The following FCMR variants were observed in gnomAD, a reference collection of about 807,000 sequenced individuals.
FCMR encodes the protein Fc mu receptor.
FCMR carries 34 observed loss-of-function variants against 41.6 expected under a neutral mutation model. The observed-to-expected ratio is 0.82, with a 90% confidence interval of 0.62 to 1.09. The LOEUF (loss-of-function observed/expected upper bound fraction) is 1.09. FCMR is among the 50% of genes least tolerant of loss of function. The probability of loss-of-function intolerance (pLI) is 0.00; values close to 1 mark genes in which losing one functional copy is unlikely to be tolerated. For synonymous variants in FCMR, 209 were observed against 211.8 expected, an observed-to-expected ratio of 0.99 and a Z score of 0.12; for missense variants, 496 against 512.5, an observed-to-expected ratio of 0.97 and a Z score of 0.31.
rs985030613 is a variant in FCMR at position 206,909,462 on chromosome 1, C to T, written c.1044G>A (p.Gln348=). The T allele has an allele frequency of 3.9e-6, 5 of 1,281,778 alleles. No homozygotes were observed. The highest frequency in any genetic ancestry group is 4.2e-5 in the Admixed American group (1 of 23,900). The allele number at this position is 1,281,778 out of a possible 1,614,324, so 79.4% of individuals were successfully genotyped here. ...CAATCAGGGCAGGAGCGGAGCTTACCTGCAGCGGGGCGGGGGGCAACGGCG... is the reference window on the plus strand; with the variant it reads ...CAATCAGGGCAGGAGCGGAGCTTACTTGCAGCGGGGCGGGGGGCAACGGCG... ...PGAPLPPAPL[Q]VSESPWLHAP... is the part of the protein sequence containing the mutation. Residue 348 remains glutamine, a splice_region_variant and synonymous_variant, in exon 7 of 8, where the codon CAG becomes CAA. Coordinates refer to ENST00000367091, the MANE Select transcript of FCMR (RefSeq NM_005449.5). The surrounding 1 kb of genome is among the most constrained non-coding windows in gnomAD (Gnocchi z 5.0).
rs375707563 is a variant in FCMR, at chr1:206,911,735, C to A, written c.705G>T (p.Arg235Ser). Reference sequence around the variant, plus strand: ...CCTGGACAGTGGTCTCTTACCTCTGCCTGTGCAGCCTGGTGTGGTGGTTGT... The same window carrying A: ...CCTGGACAGTGGTCTCTTACCTCTGACTGTGCAGCCTGGTGTGGTGGTTGT... ...PSYNHHTRLH[R>S]QRALDYGSQS... The change falls in exon 4 of 8, where the codon AGG (arginine) becomes AGT (serine). Residue 235 changes from arginine to serine, a missense_variant. Transcript: ENST00000367091. The A allele has an allele frequency of 1.7e-5, 27 of 1,610,820 alleles. No homozygotes were observed. In the African/African-American group the frequency reaches 2.8e-4, roughly 17 times the overall value.
At chr1:206,910,023 G>T in intron 5 of FCMR, 155 bp from the exon 6 acceptor site, 2 of 1,145,396 alleles carry the variant, frequency 1.7e-6, no homozygotes, top group Non-Finnish European at 1.2e-6. Context: ...GCCTTGCCCT[G>T]CCCTGAAGAC....
rs1278764915 is a variant in FCMR, at chr1:206,909,848, G to A, written c.862C>T (p.Arg288Ter). The A allele has an allele frequency of 7.2e-7, 1 of 1,384,648 alleles. No individual in the cohort carries two copies. The allele number at this position is 1,384,648 out of a possible 1,614,324, so 85.8% of individuals were successfully genotyped here. Reference sequence around the variant, plus strand: ...AGGGCGCGCATCCTCACGGCCAGTCGGCGGGCCCGCCTGGAGAGGGCTTCC... The same window carrying A: ...AGGGCGCGCATCCTCACGGCCAGTCAGCGGGCCCGCCTGGAGAGGGCTTCC... ...RRKALSRRAR[R>*]LAVRMRALES... The change falls in exon 6 of 8, where the codon CGA (arginine) becomes TGA (stop). Residue 288 changes from arginine to a stop codon, truncating the protein, a stop_gained. Coordinates refer to ENST00000367091, the MANE Select transcript of FCMR (RefSeq NM_005449.5). LOFTEE classifies it high-confidence loss of function. The surrounding 1 kb of genome is among the most constrained non-coding windows in gnomAD (Gnocchi z 5.0).
At chr1:206,922,271 A>G (rs1447622607), upstream of FCMR, among the ~76,000 whole-genome samples, 8 of 152,176 alleles carry the variant, frequency 5.3e-5, no homozygotes, top group African/African-American at 1.9e-4. Flanking sequence ...CCTTCAGGAT[A>G]AAAGAGCCTT....
In FCMR at chr1:206,909,855, C is replaced by A. The variant is rs1006346624; in HGVS notation, c.855G>T (p.Arg285=). The A allele has an allele frequency of 7.2e-7, 1 of 1,382,216 alleles. No individual in the cohort carries two copies. The highest frequency in any genetic ancestry group is 9.3e-7 in the Non-Finnish European group (1 of 1,069,588). 85.6% of individuals were successfully genotyped at this position (1,382,216 alleles called of 1,614,324 possible). A position where few individuals can be genotyped will look rare whatever the true frequency, so the allele number is the denominator to read the frequency against. Residue 285 remains arginine (R), a synonymous_variant, in exon 6 of 8, where the codon CGG becomes CGT. Transcript: ENST00000367091. This position sits in a 1 kb window ranked among gnomAD's most constrained non-coding sequence, Gnocchi z 5.0. ...AVERRKALSR[R]ARRLAVRMRA... The stretch of plus-strand genomic sequence containing the variant: ...GCATCCTCACGGCCAGTCGGCGGGC[C>A]CGCCTGGAGAGGGCTTCCCCACAAA...
rs1233750449 is a variant in FCMR, at chr1:206,913,006, T to A, written c.410A>T (p.Glu137Val). 6.2e-7 allele frequency: 1 copy of A among 1,613,858 alleles called. No homozygotes were observed. Among genetic ancestry groups the A allele is most frequent in the Non-Finnish European group, 8.5e-7 (1 of 1,179,712 alleles). The change falls in exon 3 of 8, where the codon GAG becomes GTG. Residue 137 changes from glutamate (E) to valine (V), a missense_variant. Physicochemically the swap from Glu to Val is moderately radical, Grantham distance 121. Transcript: ENST00000367091. ...GGGCAGATGAAACCATTTTGGAGTC[T>A]CAGGCATTGGCTGCTCTTCCCATGA... ...EPSWEEQPMP[E>V]TPKWFHLPYL...
Position 206,909,842 on chromosome 1 carries a change from C to T in FCMR, c.868G>A (p.Ala290Thr), listed in dbSNP as rs1187597174. ...KALSRRARRL[A>T]VRMRALESSQ... ...CTCTCCAGGGCGCGCATCCTCACGG[C>T]CAGTCGGCGGGCCCGCCTGGAGAGG... Residue 290 changes from alanine to threonine, a missense_variant, in exon 6 of 8, where the codon GCC (alanine) becomes ACC (threonine). Physicochemically the swap from Ala to Thr is moderately conservative, Grantham distance 58 (BLOSUM62 0). Transcript: ENST00000367091. The surrounding 1 kb of genome is among the most constrained non-coding windows in gnomAD (Gnocchi z 5.0). The T allele has an allele frequency of 7.2e-7, 1 of 1,387,654 alleles. No homozygotes were observed. Among genetic ancestry groups the T allele is most frequent in the Non-Finnish European group, 9.3e-7 (1 of 1,073,470 alleles). 86.0% of individuals were successfully genotyped at this position (1,387,654 alleles called of 1,614,324 possible).
chr1:206,911,269 T>A (rs569010449), intron 4 of FCMR, among the ~76,000 whole-genome samples: 10 of 152,030 alleles, frequency 6.6e-5, no homozygotes, highest in Admixed American at 5.9e-4. Flanking sequence ...CTATAATGCT[T>A]CCCCCTAGTG....
At chr1:206,905,930 C>A in intron 7 of FCMR, 1 of 168,880 alleles carries the variant, frequency 5.9e-6, no homozygotes, top group Non-Finnish European at 1.3e-5. Flanking sequence ...TGTTTTCCAT[C>A]AGTCAAGGAA....
At chr1:206,914,437 C>CT (rs572538296) in intron 1 of FCMR, among the ~76,000 whole-genome samples, 2,637 of 105,278 alleles carry the variant, frequency 0.025, 122 homozygotes, top group African/African-American at 0.09. Flanking sequence ...CCTTTCTTTT[C>CT]TTTTTTTTTT....
intron 1 of FCMR, chr1:206,921,246 C>A: frequency 5.2e-6 from 1 of 191,064 alleles, no homozygotes; most frequent in Non-Finnish European, 1.2e-5. Context: ...GAGACACTTG[C>A]TTTAAGATCC....
Position 206,907,574 on chromosome 1 carries a change from T to A in FCMR, c.1044+1888A>T, listed in dbSNP as rs978678924. The A allele has an allele frequency of 4.9e-6, 3 of 611,086 alleles. No individual in the cohort carries two copies. The African/African-American group carries it at 5.4e-5, about 11-fold the overall frequency. The allele number at this position is 611,086 out of a possible 1,614,324, so 37.9% of individuals were successfully genotyped here. ...GTCTGCTGCATTAGCTTAGTCTACA[T>A]GCGAATTAAACAAGGGATTTTCTTT... On this transcript the variant is annotated intron_variant, in intron 7 of 7. Transcript: ENST00000367091.
chr1:206,906,169 C>T, intron 7 of FCMR: 1 of 516,986 alleles, frequency 1.9e-6, no homozygotes, highest in Non-Finnish European at 3.9e-6. Flanking sequence ...CAGAACAGCT[C>T]AAGATGTCAA....
chr1:206,906,860 C>A (rs762580865), intron 7 of FCMR, among the ~76,000 whole-genome samples: 1 of 151,826 alleles, frequency 6.6e-6, no homozygotes, highest in Admixed American at 6.6e-5. Context: ...GGTTGCTGCA[C>A]CATCCTCTGG....
chr1:206,917,723 C>A (rs949724032), intron 1 of FCMR: 5 of 434,498 alleles, frequency 1.2e-5, no homozygotes, highest in Non-Finnish European at 2.3e-5. Flanking sequence ...ACTTCCTGGG[C>A]TCAATTGAGG....
Position 206,913,045 on chromosome 1 carries a change from A to G in FCMR, c.374-3T>C, listed in dbSNP as rs1679013214. The G allele has an allele frequency of 3.7e-6, 6 of 1,606,408 alleles. No homozygotes were observed. Among genetic ancestry groups the G allele is most frequent in the Non-Finnish European group, 5.1e-6 (6 of 1,173,288 alleles). The stretch of plus-strand genomic sequence containing the variant: ...CTCTTCCCATGATGGCTCGTATTCT[A>G]TTGGAAGGAAGAGGAATATGTTGGT... On this transcript the variant is annotated splice_region_variant and splice_polypyrimidine_tract_variant and intron_variant, in intron 2 of 7. Transcript: ENST00000367091.
chr1:206,909,587 C>T lies in FCMR; in HGVS notation c.986-67G>A. 7.8e-7 allele frequency: 1 copy of T among 1,275,052 alleles called. No homozygotes were observed. The highest frequency in any genetic ancestry group is 1.0e-6 in the Non-Finnish European group (1 of 992,686). 79.0% of individuals were successfully genotyped at this position (1,275,052 alleles called of 1,614,324 possible). ...CCCGCCCCACCGTCATGCTACTACTCCCAGCTCCACCCCCGCCCCACTCCC... is the reference window on the plus strand; with the variant it reads ...CCCGCCCCACCGTCATGCTACTACTTCCAGCTCCACCCCCGCCCCACTCCC... On this transcript the variant is annotated intron_variant, in intron 6 of 7. Coordinates refer to ENST00000367091, the MANE Select transcript of FCMR (RefSeq NM_005449.5). The surrounding 1 kb of genome is among the most constrained non-coding windows in gnomAD (Gnocchi z 5.0).
At position 206,909,142 on chromosome 1, in the gene FCMR, C is replaced by G. The variant is rs1348452175; in HGVS notation, c.1044+320G>C. Among the ~76,000 whole-genome samples the G allele has an allele frequency of 6.6e-6, 1 of 152,188 alleles. No homozygotes were observed. Among genetic ancestry groups the G allele is most frequent in the African/African-American group, 2.4e-5 (1 of 41,454 alleles). On this transcript the variant is annotated intron_variant, in intron 7 of 7. Coordinates refer to ENST00000367091, the MANE Select transcript of FCMR (RefSeq NM_005449.5). This position sits in a 1 kb window ranked among gnomAD's most constrained non-coding sequence, Gnocchi z 5.0. ...AAATCTAATCTCCTCCACGAGAAAG[C>G]CTTTCACATAACTGTGGAGCTGCCA...
chr1:206,914,125 G>A (rs1246018072), intron 1 of FCMR, 31 bp from the exon 2 acceptor site: 3 of 1,535,264 alleles, frequency 2.0e-6, no homozygotes, highest in South Asian at 2.2e-5. Flanking sequence ...TGCAGAGGGA[G>A]CCCCATCTCT....
Sources: allele counts gnomAD v4.1 joint callset (sites outside exome capture counted in the v4.1 genomes callset), GRCh38; gene constraint gnomAD v4.1.1; non-coding constraint Gnocchi (gnomAD v3.1); transcripts MANE v1.5; gene names NCBI Gene and HGNC (gene_info 2026-07-23, HGNC 2026-07-21).